Variants in CCSER1 observed in about 807,000 individuals in gnomAD.
CCSER1 encodes coiled-coil serine rich protein 1, also known as serine-rich coiled-coil domain-containing protein 1.
A neutral mutation model predicts 82.0 loss-of-function variants in CCSER1; 41 were observed. That is an observed-to-expected ratio of 0.50 (90% CI 0.39 to 0.65). CCSER1 has a LOEUF of 0.65. CCSER1 is among the 30% of genes least tolerant of loss of function. The pLI is 0.00. For missense variants in CCSER1, 1,119 were observed against 1,064.2 expected (o/e 1.05, Z -0.72); for synonymous variants, 414 against 383.9 (o/e 1.08, Z -0.92).
At chr4:90,301,346 T>A (rs893476128) in intron 1 of CCSER1, among the ~76,000 whole-genome samples, 4 of 152,128 alleles carry the variant, frequency 2.6e-5, no homozygotes, top group African/African-American at 9.7e-5. Context: ...ATGATTGTGT[T>A]TACTAAAGTT....
chr4:90,171,995 G>A (rs1731785106), intron 1 of CCSER1, among the ~76,000 whole-genome samples: 1 of 151,816 alleles, frequency 6.6e-6, no homozygotes, highest in Non-Finnish European at 1.5e-5. Flanking sequence ...TATAACACAG[G>A]GAAAGAAATT....
At chr4:90,778,898 C>G (rs1016560171) in intron 7 of CCSER1, among the ~76,000 whole-genome samples, 1 of 152,118 alleles carries the variant, frequency 6.6e-6, no homozygotes, top group Admixed American at 6.5e-5. Context: ...AGTATCTGAG[C>G]ATTTTCCCAG....
chr4:90,793,638 G>A (rs1197684701), intron 7 of CCSER1, among the ~76,000 whole-genome samples: 2 of 152,108 alleles, frequency 1.3e-5, no homozygotes, highest in African/African-American at 4.8e-5. Context: ...GAACATATGT[G>A]TGCATGTGTC....
chr4:90,953,226 A>G (rs556641106), intron 9 of CCSER1, among the ~76,000 whole-genome samples: 1 of 152,124 alleles, frequency 6.6e-6, no homozygotes, highest in South Asian at 2.1e-4. Context: ...CAAAGTTCTG[A>G]TATAAATTAG....
intron 10 of CCSER1, among the ~76,000 whole-genome samples, chr4:91,464,044 C>A (rs569335260): frequency 6.6e-6 from 1 of 152,190 alleles, no homozygotes; most frequent in East Asian, 1.9e-4. Context: ...CTCCAAGACA[C>A]ATAATTGTCA....
At chr4:91,251,691 G>T (rs1332080351) in intron 10 of CCSER1, among the ~76,000 whole-genome samples, 1 of 152,056 alleles carries the variant, frequency 6.6e-6, no homozygotes, top group Non-Finnish European at 1.5e-5. Flanking sequence ...CGACATAAAA[G>T]TTTCTCAATT....
chr4:91,116,444 C>A (rs9994898), intron 10 of CCSER1, among the ~76,000 whole-genome samples: 2 of 152,086 alleles, frequency 1.3e-5, no homozygotes, highest in Non-Finnish European at 2.9e-5. Flanking sequence ...CGAACAAATC[C>A]CTGCTAGGTA....
intron 9 of CCSER1, among the ~76,000 whole-genome samples, chr4:91,057,803 T>C (rs1011987955): frequency 2.6e-5 from 4 of 152,168 alleles, no homozygotes; most frequent in African/African-American, 9.6e-5. Flanking sequence ...TTTTTCACCA[T>C]ACATGTGTGT....
intron 7 of CCSER1, among the ~76,000 whole-genome samples, chr4:90,726,348 T>C (rs1028265910): frequency 4.6e-5 from 7 of 151,984 alleles, no homozygotes; most frequent in African/African-American, 1.4e-4. Context: ...ATACAAATAC[T>C]TTCCCACTAA....
At chr4:90,704,025 G>A (rs931869708) in intron 6 of CCSER1, among the ~76,000 whole-genome samples, 10 of 152,102 alleles carry the variant, frequency 6.6e-5, no homozygotes, top group Non-Finnish European at 1.3e-4. Flanking sequence ...TATGATGTTA[G>A]GTGTTTATTT....
chr4:91,049,182 T>C (rs1742782760), intron 9 of CCSER1, among the ~76,000 whole-genome samples: 1 of 152,164 alleles, frequency 6.6e-6, no homozygotes, highest in Non-Finnish European at 1.5e-5. Context: ...AATGAAGATA[T>C]GTTTTGTTTA....
At chr4:90,276,761 T>G (rs981927105) in intron 1 of CCSER1, among the ~76,000 whole-genome samples, 2 of 152,180 alleles carry the variant, frequency 1.3e-5, no homozygotes, top group African/African-American at 4.8e-5. Context: ...ACGTCTTGGT[T>G]TCTTTTAACA....
chr4:91,168,640 G>T (rs1732423604), intron 10 of CCSER1, among the ~76,000 whole-genome samples: 1 of 152,246 alleles, frequency 6.6e-6, no homozygotes, highest in Non-Finnish European at 1.5e-5. Context: ...CCCATCTTCT[G>T]GGAAGTGAGG....
In CCSER1 at chr4:91,435,722, G is replaced by A. The variant is rs537042284; in HGVS notation, c.2218-162850G>A. 6.6e-5 allele frequency among the ~76,000 whole-genome samples: 10 copies of A among 152,192 alleles called. No homozygotes were observed. The South Asian group carries it at 1.7e-3, about 25-fold the overall frequency. ...ATTAGACACAAGAAAGTAAATTAAG[G>A]TATTTATACCATTTAAAGCTTTATT... On this transcript the variant is annotated intron_variant, in intron 10 of 10. Coordinates refer to ENST00000509176, the MANE Select transcript of CCSER1 (RefSeq NM_001145065.2).
chr4:90,272,635 TA>T (rs1347921356), intron 1 of CCSER1, among the ~76,000 whole-genome samples: 1 of 152,192 alleles, frequency 6.6e-6, no homozygotes, highest in Non-Finnish European at 1.5e-5. Context: ...CTCTTCATGA[TA>T]GCCAAGATAT....
intron 10 of CCSER1, among the ~76,000 whole-genome samples, chr4:91,486,866 A>G (rs1243957960): frequency 1.3e-5 from 2 of 152,068 alleles, no homozygotes; most frequent in Non-Finnish European, 2.9e-5. Context: ...AGATATTTTT[A>G]GATCTGCTCT....
chr4:90,135,660 G>A (rs930419908), intron 1 of CCSER1, among the ~76,000 whole-genome samples: 1 of 152,210 alleles, frequency 6.6e-6, no homozygotes. Flanking sequence ...CGACAGTGCA[G>A]TTGTAGTACC....
At chr4:91,106,316 ATAGT>A (rs1319731806) in intron 10 of CCSER1, among the ~76,000 whole-genome samples, 1 of 152,218 alleles carries the variant, frequency 6.6e-6, no homozygotes, top group Non-Finnish European at 1.5e-5. Flanking sequence ...TCCCGAAGTC[ATAGT>A]TAGTAAGCCC....
rs150406525 is a variant in CCSER1, at chr4:90,578,681, T to G, written c.1725-49344T>G. ...TTGTATCTGCAATCTTAATTCCCTTTTGCTATGTGGCAGCATATTTACGAG... is the reference window on the plus strand; with the variant it reads ...TTGTATCTGCAATCTTAATTCCCTTGTGCTATGTGGCAGCATATTTACGAG... On this transcript the variant is annotated intron_variant, in intron 5 of 10. Coordinates refer to ENST00000509176, the MANE Select transcript of CCSER1 (RefSeq NM_001145065.2). Among the ~76,000 whole-genome samples the G allele has an allele frequency of 1.5e-4, 23 of 152,270 alleles. No individual in the cohort carries two copies. In the East Asian group the frequency reaches 4.4e-3, roughly 29 times the overall value.
Sources: allele counts gnomAD v4.1 joint callset (sites outside exome capture counted in the v4.1 genomes callset), GRCh38; gene constraint gnomAD v4.1.1; transcripts MANE v1.5; gene names NCBI Gene and HGNC (gene_info 2026-07-23, HGNC 2026-07-21).